The following PSEN1 variants were observed in gnomAD, a reference collection of about 807,000 sequenced individuals.
PSEN1 encodes the protein presenilin 1.
PSEN1 carries 15 observed loss-of-function variants against 53.5 expected under a neutral mutation model. The ratio of observed to expected loss-of-function variants is 0.28; its 90% CI spans 0.19 to 0.43. The LOEUF is 0.43. Among genes scored for constraint, PSEN1 ranks in the 20% least tolerant of loss-of-function variants. The pLI, the probability that PSEN1 is intolerant of heterozygous loss-of-function variation, is 1.00. For synonymous variants in PSEN1, 208 were observed against 209.8 expected (o/e 0.99, Z 0.08); for missense variants, 387 against 571.2 (o/e 0.68, Z 3.29).
Position 73,213,072 on chromosome 14 carries a change from A to G in PSEN1, c.1129+1130A>G, listed in dbSNP as rs536419768. ...AACTGAGTCAGAACTTTCACTGGGC[A>G]TGTTCATGACTTTACTGCTTGGCTG... On this transcript the variant is annotated intron_variant, in intron 10 of 11. Coordinates refer to ENST00000324501, the MANE Select transcript of PSEN1 (RefSeq NM_000021.4). Among the ~76,000 whole-genome samples, 8 of 152,284 alleles carry G rather than the reference A, an allele frequency of 5.3e-5. No homozygotes were observed. In the South Asian group the frequency reaches 1.0e-3, roughly 20 times the overall value.
chr14:73,145,317 G>A (rs1897038521), intron 1 of PSEN1, among the ~76,000 whole-genome samples: 1 of 152,046 alleles, frequency 6.6e-6, no homozygotes, highest in African/African-American at 2.4e-5. Context: ...TTTCCATAAT[G>A]GAGTGTACTT....
chr14:73,151,529 A>C (rs1490280453), intron 3 of PSEN1, among the ~76,000 whole-genome samples: 1 of 152,156 alleles, frequency 6.6e-6, no homozygotes, highest in Non-Finnish European at 1.5e-5. Flanking sequence ...TCATTTTCTA[A>C]ATGTTCTATA....
Position 73,186,864 on chromosome 14 carries a change from C to T in PSEN1, c.492C>T (p.Ala164=), listed in dbSNP as rs1436382613. The change falls in exon 6 of 12, where the codon GCC becomes GCT. Residue 164 remains alanine (A), a synonymous_variant. Transcript: ENST00000324501. The part of the protein sequence containing the change: ...YKYRCYKVIH[A]WLIISSLLLL... ...GCTTTCTTTTCTAGGTCATCCATGC[C>T]TGGCTTATTATATCATCTCTATTGT... The T allele has an allele frequency of 6.2e-7, 1 of 1,612,418 alleles. No individual in the cohort carries two copies. The highest frequency in any genetic ancestry group is 8.5e-7 in the Non-Finnish European group (1 of 1,178,514).
At chr14:73,210,310 A>G (rs556061647) in intron 9 of PSEN1, among the ~76,000 whole-genome samples, 1 of 152,382 alleles carries the variant, frequency 6.6e-6, no homozygotes, top group East Asian at 1.9e-4. Context: ...TTCTGGCTAT[A>G]GCAAAGTAGT....
intron 5 of PSEN1, among the ~76,000 whole-genome samples, chr14:73,184,033 G>C (rs1388828905): frequency 2.3e-5 from 3 of 132,524 alleles, no homozygotes; most frequent in Non-Finnish European, 4.8e-5. Flanking sequence ...TCCCGGACGG[G>C]GCGGCTGGCC....
intron 3 of PSEN1, among the ~76,000 whole-genome samples, chr14:73,156,350 G>A (rs1594976086): frequency 6.6e-6 from 1 of 150,414 alleles, no homozygotes; most frequent in African/African-American, 2.4e-5. Flanking sequence ...AGCCAGACTC[G>A]GTCTCAAAAA....
intron 6 of PSEN1, among the ~76,000 whole-genome samples, chr14:73,190,364 C>T (rs1898669423): frequency 6.6e-6 from 1 of 151,662 alleles, no homozygotes; most frequent in South Asian, 2.1e-4. Context: ...TGGTGCATGC[C>T]TGTAGCCCCA....
chr14:73,188,239 T>C (rs1322621369), intron 6 of PSEN1, among the ~76,000 whole-genome samples: 7 of 152,140 alleles, frequency 4.6e-5, no homozygotes, highest in Non-Finnish European at 1.5e-5. Context: ...TAATAATACA[T>C]TTGACCAAGT....
At chr14:73,212,469 AGT>A (rs952090195) in intron 10 of PSEN1, among the ~76,000 whole-genome samples, 15 of 152,164 alleles carry the variant, frequency 9.9e-5, no homozygotes, top group South Asian at 2.1e-4. Context: ...TATTTTATAA[AGT>A]AAAAGATTTG....
chr14:73,152,575 C>A (rs916707903), intron 3 of PSEN1, among the ~76,000 whole-genome samples: 1 of 151,666 alleles, frequency 6.6e-6, no homozygotes, highest in African/African-American at 2.4e-5. Flanking sequence ...CCACTGCACC[C>A]CAGTGCAGTG....
rs1301227428 is a variant in PSEN1, at chr14:73,148,117, A to G, written c.87+11A>G. The G allele has an allele frequency of 1.2e-6, 2 of 1,603,050 alleles. No homozygotes were observed. The highest frequency in any genetic ancestry group is 1.3e-5 in the African/African-American group (1 of 74,670). ...ACTGTACGTAGCCAGGTACAGTGTC[A>G]GTCTCTGAAACTGCCTTTGCCAGAC... On this transcript the variant is annotated intron_variant, in intron 3 of 11. Coordinates refer to ENST00000324501, the MANE Select transcript of PSEN1 (RefSeq NM_000021.4).
At position 73,217,256 on chromosome 14, in the gene PSEN1, CTAATAA is replaced by C. The variant is rs1566656822; in HGVS notation, c.1248+13_1248+18del. ...TAGCCATATTAATTGTAAGTATACA[CTAATAA>C]GAATGTGTCAGAGCTCTTAATGTCA... is the stretch of plus-strand genomic sequence containing the variant. On this transcript the variant is annotated intron_variant, in intron 11 of 11. Coordinates refer to ENST00000324501, the MANE Select transcript of PSEN1 (RefSeq NM_000021.4). The C allele has an allele frequency of 6.2e-7, 1 of 1,613,880 alleles. No homozygotes were observed. The highest frequency in any genetic ancestry group is 1.1e-5 in the South Asian group (1 of 91,074).
At chr14:73,166,936 G>A (rs2140026323) in intron 3 of PSEN1, among the ~76,000 whole-genome samples, 1 of 152,122 alleles carries the variant, frequency 6.6e-6, no homozygotes, top group East Asian at 1.9e-4. Context: ...TCTTTTTTTT[G>A]TTCCCCTCTG....
At chr14:73,208,495 G>T (rs189070347) in intron 9 of PSEN1, among the ~76,000 whole-genome samples, 4 of 151,964 alleles carry the variant, frequency 2.6e-5, no homozygotes, top group African/African-American at 9.7e-5. Context: ...TCAGTGGAGA[G>T]GAGACCCGGA....
At chr14:73,185,135 C>G (rs1249845112) in intron 5 of PSEN1, among the ~76,000 whole-genome samples, 3 of 150,888 alleles carry the variant, frequency 2.0e-5, no homozygotes, top group Admixed American at 1.3e-4. Context: ...GGCAGCCAGG[C>G]AGAGGGGCTC....
At chr14:73,200,121 A>C (rs1459240157) in intron 8 of PSEN1, among the ~76,000 whole-genome samples, 1 of 152,182 alleles carries the variant, frequency 6.6e-6, no homozygotes, top group African/African-American at 2.4e-5. Context: ...GAGATCTAAT[A>C]GGCAAAAAAA....
chr14:73,209,971 G>C (rs935231319), intron 9 of PSEN1, among the ~76,000 whole-genome samples: 2 of 152,152 alleles, frequency 1.3e-5, no homozygotes, highest in African/African-American at 2.4e-5. Flanking sequence ...TGGCTTTAAG[G>C]CTTTGCAATA....
chr14:73,188,434 G>C (rs1303863586), intron 6 of PSEN1, among the ~76,000 whole-genome samples: 1 of 152,172 alleles, frequency 6.6e-6, no homozygotes, highest in African/African-American at 2.4e-5. Context: ...TAGGAGGATA[G>C]CTTGAGGTTG....
chr14:73,165,081 C>T (rs138678883), intron 3 of PSEN1, among the ~76,000 whole-genome samples: 3,053 of 152,114 alleles, frequency 0.02, 46 homozygotes, highest in Non-Finnish European at 0.03. Context: ...CTCAGCCTCC[C>T]AAGTAGCTGA....
Sources: allele counts gnomAD v4.1 joint callset (sites outside exome capture counted in the v4.1 genomes callset), GRCh38; gene constraint gnomAD v4.1.1; transcripts MANE v1.5; gene names NCBI Gene and HGNC (gene_info 2026-07-23, HGNC 2026-07-21).